SPRR4: variants seen among roughly 807,000 people sequenced by gnomAD.
SPRR4 encodes small proline-rich protein 4.
For synonymous variants in SPRR4, 30 were observed against 34.3 expected (o/e 0.87, Z 0.44); for missense variants, 106 against 91.6 (o/e 1.16, Z -0.64).
In SPRR4 at chr1:152,972,156, C is replaced by T. The variant is rs373412333; in HGVS notation, c.*26C>T. 7 of 1,613,562 alleles carry T rather than the reference C, an allele frequency of 4.3e-6. No individual in the cohort carries two copies. In the South Asian group the frequency reaches 5.5e-5, roughly 13 times the overall value. On this transcript the variant is annotated 3_prime_UTR_variant, in exon 2 of 2. Coordinates refer to ENST00000328051, the MANE Select transcript of SPRR4 (RefSeq NM_173080.3). ...GGATGGACTGGATATTACCATCATC[C>T]ACCATCCTGGCTACCAGATGGAACC...
intron 1 of SPRR4, 58 bp from the exon 2 acceptor site, chr1:152,971,813 T>C: frequency 2.0e-5 from 32 of 1,569,554 alleles, no homozygotes; most frequent in Non-Finnish European, 2.7e-5. Context: ...TTAAAAAGGG[T>C]GTTAAAAGGC....
In SPRR4 at chr1:152,972,279, T is replaced by G; in HGVS notation, c.*149T>G. 1 of 1,313,758 alleles carries G rather than the reference T, an allele frequency of 7.6e-7. No individual in the cohort carries two copies. The highest frequency in any genetic ancestry group is 1.0e-6 in the Non-Finnish European group (1 of 960,978). The allele number at this position is 1,313,758 out of a possible 1,614,324, so 81.4% of individuals were successfully genotyped here. Reference sequence around the variant, plus strand: ...TGTAAGGAAGCATTGTAAGGATTTCTTCCCATCGTACCCTTCCCCACACAT... The same window carrying G: ...TGTAAGGAAGCATTGTAAGGATTTCGTCCCATCGTACCCTTCCCCACACAT... On this transcript the variant is annotated 3_prime_UTR_variant, in exon 2 of 2. Coordinates refer to ENST00000328051, the MANE Select transcript of SPRR4 (RefSeq NM_173080.3).
At chr1:152,971,822 G>C in intron 1 of SPRR4, 49 bp from the exon 2 acceptor site, 1 of 1,583,518 alleles carries the variant, frequency 6.3e-7, no homozygotes, top group Non-Finnish European at 8.6e-7. Context: ...GTGTTAAAAG[G>C]CTACTTTTTA....
At chr1:152,971,808 AAGGGTGTTAAAAG>A (rs1344629411) in intron 1 of SPRR4, 50 bp from the exon 2 acceptor site, 1 of 1,556,070 alleles carries the variant, frequency 6.4e-7, no homozygotes, top group Non-Finnish European at 8.7e-7. Context: ...TCTTTTTAAA[AAGGGTGTTAAAAG>A]GCTACTTTTT....
chr1:152,970,882 A>G (rs1651824181), intron 1 of SPRR4, among the ~76,000 whole-genome samples, 188 bp downstream of exon 1: 1 of 152,160 alleles, frequency 6.6e-6, no homozygotes. Flanking sequence ...ATTCCGCACC[A>G]TTGCTCAGTA....
intron 1 of SPRR4, among the ~76,000 whole-genome samples, chr1:152,971,322 T>C (rs1651836853): frequency 6.6e-6 from 1 of 152,176 alleles, no homozygotes; most frequent in Non-Finnish European, 1.5e-5. Flanking sequence ...ATGAAGTTAA[T>C]GGCAGGATGG....
At chr1:152,971,683 C>T (rs1451101019) in intron 1 of SPRR4, among the ~76,000 whole-genome samples, 188 bp from the exon 2 acceptor site, 2 of 151,994 alleles carry the variant, frequency 1.3e-5, no homozygotes, top group African/African-American at 2.4e-5. Flanking sequence ...GCCCCTACAT[C>T]CTTGCCCATT....
rs73010458 is a variant in SPRR4, at chr1:152,972,206, C to T, written c.*76C>T. ...CTTCTCTTCTTCCTTCTCCTCTTCC[C>T]TCCAGCTCTTGAGCCTACCCTCCTC... On this transcript the variant is annotated 3_prime_UTR_variant, in exon 2 of 2. Coordinates refer to ENST00000328051, the MANE Select transcript of SPRR4 (RefSeq NM_173080.3). 13,513 of 1,582,062 alleles carry T rather than the reference C, an allele frequency of 8.5e-3. 819 individuals carry two copies. In the African/African-American group the frequency reaches 0.14, roughly 17 times the overall value.
chr1:152,970,760 G>A (rs2101549357), intron 1 of SPRR4, 66 bp downstream of exon 1: 1 of 152,300 alleles, frequency 6.6e-6, no homozygotes, highest in African/African-American at 2.4e-5. Flanking sequence ...TAACTCCTTT[G>A]AGCCGCTAGG....
upstream of SPRR4, among the ~76,000 whole-genome samples, chr1:152,969,283 G>T (rs1570941090): frequency 1.3e-5 from 2 of 152,182 alleles, no homozygotes; most frequent in Non-Finnish European, 2.9e-5. Context: ...CCCAGGCCAG[G>T]CACCCACCCA....
chr1:152,970,318 C>T (rs58109785), upstream of SPRR4, among the ~76,000 whole-genome samples: 6,242 of 152,300 alleles, frequency 0.041, 384 homozygotes, highest in African/African-American at 0.14. Flanking sequence ...ACCCCATCCT[C>T]TCCCTCTTCC....
chr1:152,969,943 C>A (rs377195485), upstream of SPRR4, among the ~76,000 whole-genome samples: 1 of 152,166 alleles, frequency 6.6e-6, no homozygotes, highest in East Asian at 1.9e-4. Context: ...GCTGGGGCAC[C>A]ATTCACATCA....
At chr1:152,971,631 T>A (rs1651850209) in intron 1 of SPRR4, among the ~76,000 whole-genome samples, 1 of 151,086 alleles carries the variant, frequency 6.6e-6, no homozygotes, top group Admixed American at 6.6e-5. Context: ...CACACCATGA[T>A]GCTTACCTGT....
rs1472637611 is a variant in SPRR4, at chr1:152,972,353, T to C, written c.*223T>C. 7 of 689,364 alleles carry C rather than the reference T, an allele frequency of 1.0e-5. No individual in the cohort carries two copies. Among genetic ancestry groups the C allele is most frequent in the African/African-American group, 1.8e-5 (1 of 54,922 alleles). The allele number at this position is 689,364 out of a possible 1,614,324, so 42.7% of individuals were successfully genotyped here. A position where few individuals can be genotyped will look rare whatever the true frequency, so the allele number is the denominator to read the frequency against. Reference sequence around the variant, plus strand: ...CCACCCCGATGCTCTCCCAGGTGGGTGTGAGAGAGACCTCATTCTCTGCAG... The same window carrying C: ...CCACCCCGATGCTCTCCCAGGTGGGCGTGAGAGAGACCTCATTCTCTGCAG... On this transcript the variant is annotated 3_prime_UTR_variant, in exon 2 of 2. Transcript: ENST00000328051.
upstream of SPRR4, among the ~76,000 whole-genome samples, chr1:152,969,616 C>A (rs145584316): frequency 8.6e-3 from 1,314 of 152,210 alleles, 18 homozygotes; most frequent in African/African-American, 0.029. Flanking sequence ...AAATGGAGGA[C>A]CAGGGCTCCT....
At position 152,972,173 on chromosome 1, in the gene SPRR4, G is replaced by C; in HGVS notation, c.*43G>C. The C allele has an allele frequency of 6.2e-7, 1 of 1,611,616 alleles. No homozygotes were observed. Among genetic ancestry groups the C allele is most frequent in the Non-Finnish European group, 8.5e-7 (1 of 1,178,372 alleles). ...CCATCATCCACCATCCTGGCTACCAGATGGAACCTTCTCTTCTTCCTTCTC... is the reference window on the plus strand; with the variant it reads ...CCATCATCCACCATCCTGGCTACCACATGGAACCTTCTCTTCTTCCTTCTC... On this transcript the variant is annotated 3_prime_UTR_variant, in exon 2 of 2. Coordinates refer to ENST00000328051, the MANE Select transcript of SPRR4 (RefSeq NM_173080.3).
In SPRR4 at chr1:152,971,730, T is replaced by C. The variant is rs1362949880; in HGVS notation, c.-20-141T>C. 9.7e-6 allele frequency: 11 copies of C among 1,136,394 alleles called. No homozygotes were observed. In the South Asian group the frequency reaches 1.5e-4, roughly 15 times the overall value. The allele number at this position is 1,136,394 out of a possible 1,614,324, so 70.4% of individuals were successfully genotyped here. A position where few individuals can be genotyped will look rare whatever the true frequency, so the allele number is the denominator to read the frequency against. ...CATTATCAAAGGGAGCCAGTTGACA[T>C]TGTCCAGATCTGTCAGCTAAGATGG... On this transcript the variant is annotated intron_variant, in intron 1 of 1. Transcript: ENST00000328051.
chr1:152,969,357 T>C (rs1651766162), upstream of SPRR4, among the ~76,000 whole-genome samples: 1 of 152,212 alleles, frequency 6.6e-6, no homozygotes, highest in Non-Finnish European at 1.5e-5. Flanking sequence ...CCAGCCTCTT[T>C]AAATTGTCAG....
At position 152,972,170 on chromosome 1, in the gene SPRR4, C is replaced by T. The variant is rs2101551130; in HGVS notation, c.*40C>T. ...TTACCATCATCCACCATCCTGGCTACCAGATGGAACCTTCTCTTCTTCCTT... is the reference window on the plus strand; with the variant it reads ...TTACCATCATCCACCATCCTGGCTATCAGATGGAACCTTCTCTTCTTCCTT... On this transcript the variant is annotated 3_prime_UTR_variant, in exon 2 of 2. Coordinates refer to ENST00000328051, the MANE Select transcript of SPRR4 (RefSeq NM_173080.3). 6.2e-7 allele frequency: 1 copy of T among 1,611,644 alleles called. No homozygotes were observed. Among genetic ancestry groups the T allele is most frequent in the East Asian group, 2.2e-5 (1 of 44,834 alleles).
Sources: allele counts gnomAD v4.1 joint callset (sites outside exome capture counted in the v4.1 genomes callset), GRCh38; gene constraint gnomAD v4.1.1; transcripts MANE v1.5; gene names NCBI Gene and HGNC (gene_info 2026-07-23, HGNC 2026-07-21).